The following FHIT variants were observed in gnomAD, a reference collection of about 807,000 sequenced individuals.
FHIT encodes the protein bis(5'-adenosyl)-triphosphatase.
A neutral mutation model predicts 17.9 loss-of-function variants in FHIT; 19 were observed. The ratio of observed to expected loss-of-function variants is 1.06; its 90% CI spans 0.74 to 1.56. FHIT has a LOEUF of 1.56. FHIT is among the 40% of genes most tolerant of loss of function. The probability of loss-of-function intolerance (pLI) is 0.00; values close to 1 mark genes in which losing one functional copy is unlikely to be tolerated. For missense variants in FHIT, 248 were observed against 189.2 expected, an observed-to-expected ratio of 1.31 and a Z score of -1.82; for synonymous variants, 81 against 69.7, an observed-to-expected ratio of 1.16 and a Z score of -0.81.
rs148900202 is a variant in FHIT, at chr3:60,277,803, T to TTG, written c.103+259055_103+259056dup. The stretch of plus-strand genomic sequence containing the variant: ...AATCCTCAGCTCCCAAACTCACTCC[T>TTG]TGTGTGTGTGTGTCCCTGTCCTTAA... On this transcript the variant is annotated intron_variant, in intron 5 of 9. Transcript: ENST00000492590. 7.9e-5 allele frequency among the ~76,000 whole-genome samples: 12 copies of TTG among 152,120 alleles called. No homozygotes were observed. The South Asian group carries it at 1.9e-3, about 24-fold the overall frequency.
intron 5 of FHIT, among the ~76,000 whole-genome samples, chr3:60,339,139 C>T (rs1262041297): frequency 6.6e-6 from 1 of 152,150 alleles, no homozygotes; most frequent in Admixed American, 6.6e-5. Flanking sequence ...TGCACATATG[C>T]ATATGTGTGT....
chr3:61,030,986 T>C (rs1012986962), intron 3 of FHIT, among the ~76,000 whole-genome samples: 5 of 152,136 alleles, frequency 3.3e-5, no homozygotes, highest in Non-Finnish European at 2.9e-5. Context: ...GGAAAGGGCT[T>C]CCTTATCCAT....
chr3:60,143,891 G>A (rs1370770298), intron 5 of FHIT, among the ~76,000 whole-genome samples: 2 of 152,092 alleles, frequency 1.3e-5, no homozygotes, highest in Admixed American at 6.6e-5. Context: ...TCCAAATACA[G>A]GCCATACAGC....
At chr3:60,024,263 C>T (rs1700656851) in intron 5 of FHIT, among the ~76,000 whole-genome samples, 1 of 151,968 alleles carries the variant, frequency 6.6e-6, no homozygotes, top group South Asian at 2.1e-4. Flanking sequence ...GAAAGAGAGT[C>T]ACACTTAACA....
chr3:61,037,700 C>T (rs954445394), intron 3 of FHIT, among the ~76,000 whole-genome samples: 1 of 152,118 alleles, frequency 6.6e-6, no homozygotes, highest in East Asian at 1.9e-4. Context: ...CCTGATAAAA[C>T]GAATGAGTTA....
At chr3:60,536,721 T>C in intron 5 of FHIT, 139 bp downstream of exon 5, 1 of 809,832 alleles carries the variant, frequency 1.2e-6, no homozygotes, top group Non-Finnish European at 1.8e-6. Context: ...TTACCTGGTG[T>C]CTCCGAAGTG....
chr3:60,309,878 C>G (rs570359581), intron 5 of FHIT, among the ~76,000 whole-genome samples: 13 of 152,252 alleles, frequency 8.5e-5, no homozygotes, highest in Admixed American at 3.3e-4. Flanking sequence ...TCCCTAGATT[C>G]TCACTACATA....
intron 5 of FHIT, among the ~76,000 whole-genome samples, chr3:60,456,080 T>C (rs909716333): frequency 3.9e-5 from 6 of 151,954 alleles, no homozygotes; most frequent in African/African-American, 1.5e-4. Context: ...TCTGAAAGAG[T>C]TGGCATAAAA....
At chr3:61,078,753 A>T (rs1455230594) in intron 2 of FHIT, among the ~76,000 whole-genome samples, 1 of 152,146 alleles carries the variant, frequency 6.6e-6, no homozygotes, top group Admixed American at 6.5e-5. Context: ...TAAAAGTACC[A>T]CCTACCGCTT....
intron 5 of FHIT, among the ~76,000 whole-genome samples, chr3:60,071,220 C>A (rs1274002660): frequency 6.6e-6 from 1 of 152,072 alleles, no homozygotes; most frequent in Non-Finnish European, 1.5e-5. Context: ...TAAAATACAA[C>A]CCAGATTTCA....
intron 1 of FHIT, among the ~76,000 whole-genome samples, chr3:61,222,655 G>A (rs935865630): frequency 6.6e-6 from 1 of 152,174 alleles, no homozygotes; most frequent in African/African-American, 2.4e-5. Flanking sequence ...GAAAAAGAAA[G>A]GAAGGGTTGA....
intron 5 of FHIT, among the ~76,000 whole-genome samples, chr3:60,231,784 C>G (rs1026644753): frequency 1.3e-5 from 2 of 152,174 alleles, no homozygotes; most frequent in East Asian, 1.9e-4. Context: ...ATAGTTCCCA[C>G]TTATTCAGTT....
chr3:60,659,983 T>A (rs1487568498), intron 4 of FHIT, among the ~76,000 whole-genome samples: 2 of 152,178 alleles, frequency 1.3e-5, no homozygotes, highest in Non-Finnish European at 2.9e-5. Context: ...AGGATAAGCC[T>A]GAGATGTAAA....
intron 5 of FHIT, among the ~76,000 whole-genome samples, chr3:60,410,295 T>C (rs1559891039): frequency 6.6e-6 from 1 of 152,038 alleles, no homozygotes; most frequent in East Asian, 1.9e-4. Flanking sequence ...GTATGGATAA[T>C]TGCAAGCCTC....
intron 8 of FHIT, among the ~76,000 whole-genome samples, chr3:59,827,863 T>C (rs143216268): frequency 6.6e-6 from 1 of 152,372 alleles, no homozygotes; most frequent in Non-Finnish European, 1.5e-5. Context: ...GTTGGATTGC[T>C]CTCTACCATT....
intron 5 of FHIT, among the ~76,000 whole-genome samples, chr3:60,302,983 CT>C (rs1708511779): frequency 6.6e-6 from 1 of 152,140 alleles, no homozygotes. Flanking sequence ...AGTTTCTCCC[CT>C]GTTCGTCACA....
intron 5 of FHIT, among the ~76,000 whole-genome samples, chr3:60,340,153 A>C (rs1330947551): frequency 2.0e-5 from 3 of 152,328 alleles, no homozygotes; most frequent in African/African-American, 7.2e-5. Context: ...TTACAGAAAC[A>C]GTGATATGAT....
chr3:60,213,451 C>A (rs187500822), intron 5 of FHIT, among the ~76,000 whole-genome samples: 1 of 152,160 alleles, frequency 6.6e-6, no homozygotes, highest in Admixed American at 6.5e-5. Context: ...GGGGCATATT[C>A]CTGTGATTCA....
chr3:59,913,724 C>T (rs1368684886), intron 8 of FHIT, among the ~76,000 whole-genome samples: 1 of 152,150 alleles, frequency 6.6e-6, no homozygotes, highest in Non-Finnish European at 1.5e-5. Flanking sequence ...ACTAACCTTA[C>T]ACTAGAAGCC....
Sources: allele counts gnomAD v4.1 joint callset (sites outside exome capture counted in the v4.1 genomes callset), GRCh38; gene constraint gnomAD v4.1.1; transcripts MANE v1.5; gene names NCBI Gene and HGNC (gene_info 2026-07-23, HGNC 2026-07-21).